PHLDB2: variants seen among roughly 807,000 people sequenced by gnomAD.
PHLDB2 encodes pleckstrin homology-like domain family B member 2.
Under a neutral mutation model 123.6 loss-of-function variants are expected in PHLDB2, and 71 were observed. The ratio of observed to expected loss-of-function variants is 0.57; its 90% CI spans 0.47 to 0.70. PHLDB2 has a LOEUF of 0.70. PHLDB2 is among the 30% of genes least tolerant of loss of function. The probability of loss-of-function intolerance (pLI) is 0.00; values close to 1 mark genes in which losing one functional copy is unlikely to be tolerated. For synonymous variants in PHLDB2, 547 were observed against 541.6 expected (o/e 1.01, Z -0.14); for missense variants, 1,446 against 1,519.5 (o/e 0.95, Z 0.80).
In PHLDB2 at chr3:111,954,003, A is replaced by C; in HGVS notation, c.2846A>C (p.Asp949Ala). 1 of 1,613,158 alleles carries C rather than the reference A, an allele frequency of 6.2e-7. No homozygotes were observed. The highest frequency in any genetic ancestry group is 8.5e-7 in the Non-Finnish European group (1 of 1,179,572). ...CCCTCACTGGCAGCCATGGCCAAAG[A>C]CTCAGAATCTCGGAGGATGCTCAGA... ...LPPSLAAMAK[D>A]SESRRMLRGY... is the part of the protein sequence containing the mutation. The change falls in exon 12 of 18, where the codon GAC becomes GCC. Residue 949 changes from aspartate (D) to alanine (A), a missense_variant. By Grantham distance (126) the Asp-to-Ala change is moderately radical. This residue lies in a region of PHLDB2 where 594 missense variants were observed against 646.0 expected (regional missense o/e 0.92). Coordinates refer to ENST00000431670, the MANE Select transcript of PHLDB2 (RefSeq NM_001134438.2).
chr3:111,950,304 T>G (rs1577170848), intron 10 of PHLDB2, among the ~76,000 whole-genome samples: 1 of 152,222 alleles, frequency 6.6e-6, no homozygotes, highest in South Asian at 2.1e-4. Context: ...TGTTACTGTG[T>G]CAGAATTTGT....
At chr3:111,865,386 G>A (rs1175460998) in intron 1 of PHLDB2, among the ~76,000 whole-genome samples, 6 of 152,080 alleles carry the variant, frequency 3.9e-5, no homozygotes, top group Admixed American at 6.5e-5. Flanking sequence ...GCAACAGTCC[G>A]GTGAAATCTT....
chr3:111,914,913 T>C (rs2068084195), intron 3 of PHLDB2: 1 of 151,790 alleles, frequency 6.6e-6, no homozygotes, highest in Non-Finnish European at 1.5e-5. Context: ...CAAAATCTTT[T>C]GTTATTACGT....
intron 13 of PHLDB2, among the ~76,000 whole-genome samples, chr3:111,963,412 C>T (rs1559925443): frequency 6.6e-6 from 1 of 152,118 alleles, no homozygotes; most frequent in Admixed American, 6.5e-5. Context: ...ATTCAGAATA[C>T]TCTTCTATAA....
intron 1 of PHLDB2, among the ~76,000 whole-genome samples, chr3:111,740,609 T>G (rs937054311): frequency 6.6e-6 from 1 of 152,180 alleles, no homozygotes; most frequent in African/African-American, 2.4e-5. Context: ...GAAGGATAGA[T>G]AACACGTAAC....
chr3:111,753,796 G>A (rs1464484507), intron 1 of PHLDB2, among the ~76,000 whole-genome samples: 3 of 152,174 alleles, frequency 2.0e-5, no homozygotes, highest in Non-Finnish European at 4.4e-5. Flanking sequence ...TAACGTTTAA[G>A]TCTTTAATCC....
At chr3:111,848,649 T>C (rs764811529) in intron 2 of PHLDB2, among the ~76,000 whole-genome samples, 1 of 152,182 alleles carries the variant, frequency 6.6e-6, no homozygotes, top group Non-Finnish European at 1.5e-5. Context: ...TTTAGACATA[T>C]ACAGTCATGC....
chr3:111,859,198 C>T (rs13063024), upstream of PHLDB2: 653,059 of 982,794 alleles, frequency 0.66, 218,738 homozygotes, highest in Middle Eastern at 0.78. Context: ...AGGAAATCAT[C>T]ACCCTAGGAC....
At chr3:111,949,366 T>G in intron 10 of PHLDB2, among the ~76,000 whole-genome samples, 1 of 152,356 alleles carries the variant, frequency 6.6e-6, no homozygotes, top group Middle Eastern at 3.4e-3. Flanking sequence ...AGTTTTCTTA[T>G]AAATTAAAAA....
At chr3:111,762,040 G>C (rs918965599) in intron 1 of PHLDB2, among the ~76,000 whole-genome samples, 4 of 152,102 alleles carry the variant, frequency 2.6e-5, no homozygotes, top group Non-Finnish European at 4.4e-5. Flanking sequence ...ATCCAAAAAG[G>C]GATGCCCCCC....
rs2071449700 is a variant in PHLDB2 at position 111,962,231 on chromosome 3, A to G, written c.2996A>G (p.Gln999Arg). The G allele has an allele frequency of 6.3e-7, 1 of 1,581,132 alleles. No individual in the cohort carries two copies. Among genetic ancestry groups the G allele is most frequent in the African/African-American group, 1.4e-5 (1 of 72,416 alleles). Residue 999 changes from glutamine to arginine, a missense_variant, in exon 13 of 18, where the codon CAG (glutamine) becomes CGG (arginine). Transcript: ENST00000431670. The part of the protein sequence containing the change: ...FHYPDHSYKD[Q>R]AFDTLSLDSS... ...TATCCAGATCACAGCTACAAGGACC[A>G]GGCCTTTGATACTCTGAGCCTCGAT...
intron 1 of PHLDB2, among the ~76,000 whole-genome samples, chr3:111,752,219 A>T (rs1177007305): frequency 6.8e-6 from 1 of 146,892 alleles, no homozygotes; most frequent in Admixed American, 6.8e-5. Flanking sequence ...GAAGTTTCTA[A>T]GTGTGTGTGT....
At chr3:111,777,156 G>GAAA (rs145647179) in intron 1 of PHLDB2, among the ~76,000 whole-genome samples, 17 of 150,490 alleles carry the variant, frequency 1.1e-4, no homozygotes, top group African/African-American at 2.4e-4. Flanking sequence ...ATTCTTACTA[G>GAAA]AAAAAAAAAT....
chr3:111,872,322 A>T (rs1286830938), intron 1 of PHLDB2, among the ~76,000 whole-genome samples: 2 of 152,202 alleles, frequency 1.3e-5, no homozygotes, highest in East Asian at 3.9e-4. Context: ...ACCCAAAACA[A>T]ACACATCAGC....
intron 1 of PHLDB2, among the ~76,000 whole-genome samples, chr3:111,818,646 T>G (rs922320728): frequency 6.6e-6 from 1 of 152,184 alleles, no homozygotes; most frequent in African/African-American, 2.4e-5. Flanking sequence ...ATGGCCTTGC[T>G]AGCTAGAGCC....
rs550932495 is a variant in PHLDB2 at position 111,921,844 on chromosome 3, C to T, written c.2001+1425C>T. ...GTCTCGATCTCCTGACCTCGTGATC[C>T]GCCCACCTCAGCCTCCCAAAGTGCT... is the stretch of plus-strand genomic sequence containing the variant. On this transcript the variant is annotated intron_variant, in intron 5 of 17. Coordinates refer to ENST00000431670, the MANE Select transcript of PHLDB2 (RefSeq NM_001134438.2). 2.4e-3 allele frequency among the ~76,000 whole-genome samples: 362 copies of T among 152,272 alleles called. 5 individuals carry two copies. The highest frequency in any genetic ancestry group is 3.1e-3 in the Non-Finnish European group (212 of 68,030).
At chr3:111,891,092 C>T (rs1209402366) in intron 2 of PHLDB2, among the ~76,000 whole-genome samples, 1 of 152,034 alleles carries the variant, frequency 6.6e-6, no homozygotes, top group Non-Finnish European at 1.5e-5. Flanking sequence ...TTTTAACTTC[C>T]TCACTCTGAG....
intron 1 of PHLDB2, among the ~76,000 whole-genome samples, chr3:111,791,049 G>A (rs946964953): frequency 9.2e-5 from 14 of 151,988 alleles, no homozygotes; most frequent in African/African-American, 3.1e-4. Context: ...TTTTGGTAAT[G>A]TTTTATTATT....
Position 111,819,332 on chromosome 3 carries a change from A to G in PHLDB2, c.-48-26489A>G, listed in dbSNP as rs79003638. On this transcript the variant is annotated intron_variant, in intron 1 of 17. Coordinates refer to the PHLDB2 transcript ENST00000393923. ...ACGACAAATCTTCGAGACTTCAAACATGTAGAATTGTAACCAATATTTTGT... is the reference window on the plus strand; with the variant it reads ...ACGACAAATCTTCGAGACTTCAAACGTGTAGAATTGTAACCAATATTTTGT... 3.1e-4 allele frequency among the ~76,000 whole-genome samples: 47 copies of G among 152,328 alleles called. 1 individual carries two copies. The East Asian group carries it at 8.1e-3, about 26-fold the overall frequency.
Sources: gnomAD v4.1 joint callset for allele counts (sites outside exome capture counted in the v4.1 genomes callset) on GRCh38, gnomAD v4.1.1 for gene constraint, gnomAD v4.1.1 regional missense constraint, MANE v1.5 for transcripts, NCBI Gene and HGNC (gene_info 2026-07-23, HGNC 2026-07-21) for gene names.